The following USP48 variants were observed in gnomAD, a reference collection of about 807,000 sequenced individuals.
USP48 encodes ubiquitin carboxyl-terminal hydrolase 48.
A neutral mutation model predicts 150.7 loss-of-function variants in USP48; 43 were observed. The observed-to-expected ratio is 0.29, with a 90% CI of 0.22 to 0.37. The LOEUF (loss-of-function observed/expected upper bound fraction) is 0.37. Ranked by LOEUF, USP48 falls within the 10% of genes least tolerant of loss-of-function variation. The pLI is 1.00. For missense variants in USP48, 813 were observed against 1,249.6 expected, an observed-to-expected ratio of 0.65 and a Z score of 5.27; for synonymous variants, 396 against 425.9, an observed-to-expected ratio of 0.93 and a Z score of 0.86.
intron 26 of USP48, among the ~76,000 whole-genome samples, chr1:21,680,014 A>G (rs1571651733): frequency 1.3e-5 from 2 of 152,230 alleles, no homozygotes; most frequent in East Asian, 2.0e-4. Context: ...TTTCATAAAG[A>G]CGTTTTTTGC....
At chr1:21,710,796 G>A (rs115960605) in intron 15 of USP48, among the ~76,000 whole-genome samples, 3,574 of 132,636 alleles carry the variant, frequency 0.027, 148 homozygotes, top group African/African-American at 0.084. Context: ...TCACAATAAA[G>A]AATTAAAAAA....
rs1179458621 is a variant in USP48 at position 21,695,068 on chromosome 1, G to T, written c.2881C>A (p.Gln961Lys). The T allele has an allele frequency of 6.2e-7, 1 of 1,608,320 alleles. No individual in the cohort carries two copies. The highest frequency in any genetic ancestry group is 1.1e-5 in the South Asian group (1 of 89,640). ...ACTTGAACAAATGTTTCCCTCACCTGAATTTTCAATTCTTTTAACGTCTGA... is the reference window on the plus strand; with the variant it reads ...ACTTGAACAAATGTTTCCCTCACCTTAATTTTCAATTCTTTTAACGTCTGA... ...ANQTLKELKI[Q>K]IMHAFSVAPF... is the part of the protein sequence containing the mutation. Residue 961 changes from glutamine to lysine, a missense_variant and splice_region_variant, in exon 23 of 27, where the codon CAG becomes AAG. Physicochemically the swap from Gln to Lys is moderately conservative, Grantham distance 53. Transcript: ENST00000308271.
chr1:21,757,018 G>T (rs2097837941), intron 2 of USP48: 1 of 983,546 alleles, frequency 1.0e-6, no homozygotes, highest in Non-Finnish European at 1.2e-6. Flanking sequence ...AGCGTATATA[G>T]GTTTTATGTT....
At chr1:21,707,655 T>C (rs1052110838) in intron 15 of USP48, among the ~76,000 whole-genome samples, 2 of 152,250 alleles carry the variant, frequency 1.3e-5, no homozygotes, top group Non-Finnish European at 2.9e-5. Flanking sequence ...TTCACTTATC[T>C]ACCCATATCG....
At chr1:21,701,388 A>G (rs560588345) in intron 22 of USP48, 110 bp downstream of exon 22, 19 of 835,570 alleles carry the variant, frequency 2.3e-5, no homozygotes, top group Admixed American at 8.6e-5. Context: ...AAAAGAAAAA[A>G]AAAGAACCAA....
chr1:21,720,970 G>T, intron 14 of USP48, 66 bp downstream of exon 14: 1 of 1,584,748 alleles, frequency 6.3e-7, no homozygotes, highest in South Asian at 1.2e-5. Context: ...GAGCCACCGT[G>T]CCTGGCCCAC....
intron 6 of USP48, 55 bp from the exon 7 acceptor site, chr1:21,748,326 G>A: frequency 6.8e-7 from 1 of 1,479,328 alleles, no homozygotes. Context: ...TAAAACAAGT[G>A]ATAAAACCCT....
intron 6 of USP48, among the ~76,000 whole-genome samples, chr1:21,749,765 G>A (rs1338430676): frequency 2.6e-5 from 4 of 151,966 alleles, no homozygotes; most frequent in African/African-American, 9.7e-5. Flanking sequence ...ACCAAGCCTG[G>A]TTAATTTTTT....
rs76239295 is a variant in USP48, at chr1:21,722,259, C to T, written c.1649-495G>A. The stretch of plus-strand genomic sequence containing the variant: ...TGGTTTATTCATTGTGAATTAAGAA[C>T]AGTGGCAGGTATAGTGGCTCATACC... On this transcript the variant is annotated intron_variant, in intron 12 of 26. Transcript: ENST00000308271. Among the ~76,000 whole-genome samples, 666 of 151,984 alleles carry T rather than the reference C, an allele frequency of 4.4e-3. 5 individuals are homozygous for T. The highest frequency in any genetic ancestry group is 0.015 in the African/African-American group (620 of 41,462).
At chr1:21,708,839 C>A (rs1444197531) in intron 15 of USP48, among the ~76,000 whole-genome samples, 1 of 135,584 alleles carries the variant, frequency 7.4e-6, no homozygotes, top group Non-Finnish European at 1.5e-5. Context: ...GAGCCAAGAT[C>A]GCACCATTGT....
chr1:21,706,411 TGGCAAG>T, intron 17 of USP48, 50 bp downstream of exon 17: 1 of 1,608,606 alleles, frequency 6.2e-7, no homozygotes, highest in Non-Finnish European at 8.5e-7. Flanking sequence ...ACTGGGAATT[TGGCAAG>T]GGCTTTAAAA....
At chr1:21,782,222 G>A (rs949448331) in intron 1 of USP48, among the ~76,000 whole-genome samples, 2 of 152,148 alleles carry the variant, frequency 1.3e-5, no homozygotes, top group African/African-American at 4.8e-5. Flanking sequence ...AAAGTTCAAG[G>A]GCGGCGCAGA....
At chr1:21,780,537 A>G (rs1436139933) in intron 1 of USP48, among the ~76,000 whole-genome samples, 1 of 152,118 alleles carries the variant, frequency 6.6e-6, no homozygotes, top group Non-Finnish European at 1.5e-5. Context: ...AATGGTAAAC[A>G]CTGTCATATG....
intron 9 of USP48, among the ~76,000 whole-genome samples, chr1:21,734,311 A>G (rs1233219777): frequency 6.6e-6 from 1 of 152,126 alleles, no homozygotes. Context: ...AGGCAGGAGG[A>G]TTATTTGAGT....
intron 21 of USP48, among the ~76,000 whole-genome samples, 193 bp downstream of exon 21, chr1:21,703,319 T>C (rs1443621612): frequency 1.3e-5 from 2 of 152,234 alleles, no homozygotes; most frequent in Admixed American, 1.3e-4. Flanking sequence ...CATCAATTAA[T>C]AACAAACTAA....
intron 18 of USP48, 89 bp downstream of exon 18, chr1:21,706,037 A>G: frequency 7.2e-7 from 1 of 1,392,084 alleles, no homozygotes; most frequent in Non-Finnish European, 1.0e-6. Flanking sequence ...AAGGAAGGGT[A>G]CAACAAACAG....
intron 10 of USP48, 117 bp from the exon 11 acceptor site, chr1:21,728,836 T>C (rs2097747371): frequency 4.0e-6 from 5 of 1,247,866 alleles, no homozygotes; most frequent in Non-Finnish European, 1.1e-6. Flanking sequence ...ATTCCAACTA[T>C]GGTCTCCCTG....
intron 25 of USP48, among the ~76,000 whole-genome samples, chr1:21,681,590 T>A (rs1224823565): frequency 6.6e-6 from 1 of 152,176 alleles, no homozygotes; most frequent in African/African-American, 2.4e-5. Flanking sequence ...AAAAATCTAA[T>A]AAATTCTTCA....
intron 11 of USP48, among the ~76,000 whole-genome samples, chr1:21,726,921 A>T (rs1445811400): frequency 6.6e-6 from 1 of 152,138 alleles, no homozygotes; most frequent in Non-Finnish European, 1.5e-5. Flanking sequence ...AATATTTACC[A>T]CAGGGAAATA....
Sources: gnomAD v4.1 joint callset for allele counts (sites outside exome capture counted in the v4.1 genomes callset) on GRCh38, gnomAD v4.1.1 for gene constraint, MANE v1.5 for transcripts, NCBI Gene and HGNC (gene_info 2026-07-23, HGNC 2026-07-21) for gene names.